The following KIF4A variants were observed in gnomAD, a reference collection of about 807,000 sequenced individuals.
The protein encoded by KIF4A is kinesin family member 4A.
In KIF4A, 7 loss-of-function variants were observed where a neutral mutation model predicts 105.9. The ratio of observed to expected loss-of-function variants is 0.07; its 90% CI spans 0.04 to 0.12. The LOEUF (loss-of-function observed/expected upper bound fraction) is 0.12. Among genes scored for constraint, KIF4A ranks in the 10% least tolerant of loss-of-function variants. The pLI is 1.00. For synonymous variants in KIF4A, 281 were observed against 331.3 expected (o/e 0.85, Z 1.65); for missense variants, 558 against 929.2 (o/e 0.60, Z 5.19).
Position 70,395,745 on chromosome X carries a change from A to C in KIF4A, c.2307A>C (p.Glu769Asp). ...EAKRHLNDLL[E>D]DRKILAQDVA... is the part of the protein sequence containing the mutation. ...AACGCCATCTGAATGACCTCCTTGA[A>C]GATAGAAAGATCCTGGCTCAAGATG... is the stretch of plus-strand genomic sequence containing the variant. The change falls in exon 21 of 31, where the codon GAA becomes GAC. Residue 769 changes from glutamate to aspartate, a missense_variant. By Grantham distance (45) the Glu-to-Asp change is conservative (BLOSUM62 2). Transcript: ENST00000374403. The C allele has an allele frequency of 8.3e-7, 1 of 1,211,677 alleles. No homozygotes were observed. Among genetic ancestry groups the C allele is most frequent in the Non-Finnish European group, 1.1e-6 (1 of 895,497 alleles).
intron 18 of KIF4A, among the ~76,000 whole-genome samples, chrX:70,380,544 G>A (rs1344913019): frequency 9.0e-6 from 1 of 111,729 alleles, no homozygotes; most frequent in Non-Finnish European, 1.9e-5. Flanking sequence ...AATAAAGGGC[G>A]TGTATGAAAA....
At chrX:70,339,041 C>T (rs1436417982) in intron 10 of KIF4A, among the ~76,000 whole-genome samples, 2 of 103,394 alleles carry the variant, frequency 1.9e-5, no homozygotes, top group Non-Finnish European at 3.9e-5. Context: ...GCCAAGACCA[C>T]GCCACTGCAC....
chrX:70,394,402 C>G (rs1272294222), intron 20 of KIF4A, among the ~76,000 whole-genome samples: 1 of 109,174 alleles, frequency 9.2e-6, no homozygotes, highest in African/African-American at 3.3e-5. Context: ...CAGGGTCTCA[C>G]TATGTTGCTC....
In KIF4A at chrX:70,409,796, A is replaced by G. The variant is rs1006469743; in HGVS notation, c.3255+2721A>G. 1.5e-3 allele frequency among the ~76,000 whole-genome samples: 142 copies of G among 93,543 alleles called. 1 individual carries two copies. Among genetic ancestry groups the G allele is most frequent in the Non-Finnish European group, 2.9e-3 (124 of 43,361 alleles). The allele number at this position is 93,543 out of a possible 115,157, so 81.2% of individuals were successfully genotyped here. On this transcript the variant is annotated intron_variant, in intron 28 of 30. Coordinates refer to ENST00000374403, the MANE Select transcript of KIF4A (RefSeq NM_012310.5). ...TGGGATACAGAGCAAGACTGTCTCA[A>G]AAAAAAAAAAAAAAAGAAAAGAAAA...
At chrX:70,349,284 G>A (rs2086011398) in intron 13 of KIF4A, among the ~76,000 whole-genome samples, 1 of 88,681 alleles carries the variant, frequency 1.1e-5, no homozygotes, top group Non-Finnish European at 2.2e-5. Flanking sequence ...TGGGCGGCTG[G>A]GTAGAGGCGC....
chrX:70,328,674 G>A (rs1313274003), intron 7 of KIF4A, among the ~76,000 whole-genome samples: 1 of 111,736 alleles, frequency 8.9e-6, no homozygotes, highest in East Asian at 2.8e-4. Flanking sequence ...CAGTGACAGA[G>A]CCAGGATTGT....
chrX:70,318,279 G>T lies in KIF4A; in HGVS notation c.779-11126G>T, dbSNP rs182231357. Among the ~76,000 whole-genome samples the T allele has an allele frequency of 5.4e-4, 61 of 112,213 alleles. No individual in the cohort carries two copies. The East Asian group carries it at 0.013, about 25-fold the overall frequency. On this transcript the variant is annotated intron_variant, in intron 7 of 30. Transcript: ENST00000374403. Reference sequence around the variant, plus strand: ...AGCTTTATGTAAGTGGAATTATACTGTTTATAATCTGTTGTGCCTTCATTC... The same window carrying T: ...AGCTTTATGTAAGTGGAATTATACTTTTTATAATCTGTTGTGCCTTCATTC...
intron 10 of KIF4A, 130 bp downstream of exon 10, chrX:70,333,819 G>T: frequency 2.2e-6 from 1 of 452,770 alleles, no homozygotes; most frequent in Non-Finnish European, 3.9e-6. Flanking sequence ...TGACTATTTA[G>T]GACTTAGTTA....
chrX:70,317,465 AC>A (rs1352352821), intron 7 of KIF4A, among the ~76,000 whole-genome samples: 3 of 105,812 alleles, frequency 2.8e-5, no homozygotes, highest in African/African-American at 1.0e-4. Context: ...ACCCATGCAT[AC>A]CCCTCCGAGA....
At chrX:70,309,759 A>G (rs2085841428) in intron 7 of KIF4A, among the ~76,000 whole-genome samples, 2 of 112,683 alleles carry the variant, frequency 1.8e-5, no homozygotes, top group Non-Finnish European at 3.7e-5. Flanking sequence ...TTTATATACA[A>G]TTGGCCTGGC....
At chrX:70,404,527 G>GAA (rs140487690) in intron 24 of KIF4A, among the ~76,000 whole-genome samples, 188 bp from the exon 25 acceptor site, 248 of 104,799 alleles carry the variant, frequency 2.4e-3, no homozygotes, top group South Asian at 7.0e-3. Flanking sequence ...GCAACAGAAA[G>GAA]AAAAAAAAAA....
intron 20 of KIF4A, among the ~76,000 whole-genome samples, chrX:70,391,695 G>A (rs139341879): frequency 1.8e-3 from 194 of 109,821 alleles, no homozygotes; most frequent in Middle Eastern, 0.014. Context: ...CAGGGGTTTC[G>A]TATACAGATA....
At chrX:70,352,942 T>C (rs1430180958) in intron 14 of KIF4A, among the ~76,000 whole-genome samples, 1 of 111,582 alleles carries the variant, frequency 9.0e-6, no homozygotes, top group Non-Finnish European at 1.9e-5. Flanking sequence ...GTATTCTGCA[T>C]CAACCGTCCA....
chrX:70,290,565 C>G lies in KIF4A; in HGVS notation c.107C>G (p.Pro36Arg), dbSNP rs770169547. ...TGCCAGATGTGCCTTTCCTTCGTGC[C>G]CGGAGAGCCTCAGGTGCGTAGCAGA... ...EGCQMCLSFV[P>R]GEPQVVVGTD... The change falls in exon 2 of 31, where the codon CCC (proline) becomes CGC (arginine). Residue 36 changes from proline (P) to arginine (R), a missense_variant. Pro to Arg is a moderately radical substitution (Grantham distance 103). Around this residue, in one of 2 missense-constraint regions of KIF4A, gnomAD observed 89 missense variants for 248.8 expected, o/e 0.36. Transcript: ENST00000374403. 1 of 1,211,530 alleles carries G rather than the reference C, an allele frequency of 8.3e-7. No individual in the cohort carries two copies.
intron 15 of KIF4A, among the ~76,000 whole-genome samples, chrX:70,366,519 G>A (rs951894625): frequency 8.9e-6 from 1 of 112,211 alleles, no homozygotes; most frequent in Non-Finnish European, 1.9e-5. Flanking sequence ...CCAGTAGTCA[G>A]TCATTCAGGA....
intron 23 of KIF4A, 93 bp from the exon 24 acceptor site, chrX:70,403,771 C>T (rs777524748): frequency 4.8e-6 from 4 of 841,385 alleles, no homozygotes; most frequent in Non-Finnish European, 6.6e-6. Context: ...TTCTCAGACC[C>T]TTTCAAGAAA....
chrX:70,417,258 T>C (rs1018418587), intron 28 of KIF4A, among the ~76,000 whole-genome samples: 3 of 112,475 alleles, frequency 2.7e-5, no homozygotes, highest in Admixed American at 9.4e-5. Flanking sequence ...ATCCCAGCAC[T>C]TTGGGAGGCC....
intron 8 of KIF4A, among the ~76,000 whole-genome samples, 172 bp downstream of exon 8, chrX:70,329,693 A>G (rs1223012220): frequency 8.9e-6 from 1 of 112,452 alleles, no homozygotes; most frequent in Non-Finnish European, 1.9e-5. Flanking sequence ...TAATGGAAAA[A>G]TATCTTCATA....
chrX:70,290,447 TGA>T lies in KIF4A; in HGVS notation c.-9_-8del. ...TTTTTCCCCCTCGCAGAGACGGTGC[TGA>T]GATAGGATCATGAAGGAAGAGGTGA... is the stretch of plus-strand genomic sequence containing the variant. On this transcript the variant is annotated 5_prime_UTR_variant, in exon 2 of 31. Transcript: ENST00000374403. The T allele has an allele frequency of 8.3e-7, 1 of 1,206,181 alleles. No homozygotes were observed. Among genetic ancestry groups the T allele is most frequent in the Non-Finnish European group, 1.1e-6 (1 of 892,429 alleles).
Sources: allele counts gnomAD v4.1 joint callset (sites outside exome capture counted in the v4.1 genomes callset), GRCh38; gene constraint gnomAD v4.1.1; regional missense constraint gnomAD v4.1.1; transcripts MANE v1.5; gene names NCBI Gene and HGNC (gene_info 2026-07-23, HGNC 2026-07-21).